TMPRSS6: variants seen among roughly 807,000 people sequenced by gnomAD.
The protein encoded by TMPRSS6 is transmembrane serine protease 6, also known as transmembrane protease serine 6.
In TMPRSS6, 67 loss-of-function variants were observed where a neutral mutation model predicts 101.5. That is an observed-to-expected ratio of 0.66 (90% CI 0.54 to 0.81). The LOEUF is 0.81. TMPRSS6 is among the 30% of genes least tolerant of loss of function. The pLI is 0.00. For missense variants in TMPRSS6, 1,034 were observed against 1,088.7 expected (o/e 0.95, Z 0.71); for synonymous variants, 453 against 464.9 (o/e 0.97, Z 0.33).
At chr22:37,106,143 G>A (rs1271746433) in intron 1 of TMPRSS6, among the ~76,000 whole-genome samples, 2 of 143,732 alleles carry the variant, frequency 1.4e-5, no homozygotes. Flanking sequence ...CTACTTTACA[G>A]ATGGGAGAGT....
At chr22:37,070,699 G>A (rs1000850339) in intron 14 of TMPRSS6, 47 bp from the exon 15 acceptor site, 1 of 1,584,208 alleles carries the variant, frequency 6.3e-7, no homozygotes, top group African/African-American at 1.3e-5. Flanking sequence ...GGAGGGGAAG[G>A]GGAGAAGCAG....
intron 1 of TMPRSS6, among the ~76,000 whole-genome samples, chr22:37,107,083 G>A (rs2146199358): frequency 6.6e-6 from 1 of 152,386 alleles, no homozygotes; most frequent in South Asian, 2.1e-4. Flanking sequence ...GAAAGAATGA[G>A]TGAATGAAAC....
chr22:37,075,009 ACACACACTCTCTCTCTCCTTTTGTT>A, intron 11 of TMPRSS6, 101 bp downstream of exon 11: 1 of 1,511,812 alleles, frequency 6.6e-7, no homozygotes, highest in Non-Finnish European at 9.2e-7. Context: ...ATACACACAC[ACACACACTCTCTCTCTCCTTTTGTT>A]CAGCCTCATA....
chr22:37,069,211 C>G lies in TMPRSS6; in HGVS notation c.1975G>C (p.Asp659His). ...PYHEEDSHDY[D>H]VALLQLDHPV... Reference sequence around the variant, plus strand: ...TGGTCGAGCTGCAGCAGCGCCACGTCGTAGTCATGGCTGTCCTCTTCGTGG... The same window carrying G: ...TGGTCGAGCTGCAGCAGCGCCACGTGGTAGTCATGGCTGTCCTCTTCGTGG... Residue 659 changes from aspartate to histidine, a missense_variant, in exon 16 of 18, where the codon GAC becomes CAC. By Grantham distance (81) the Asp-to-His change is moderately conservative. Coordinates refer to ENST00000676104, the MANE Select transcript of TMPRSS6 (RefSeq NM_001374504.1). This position sits in a 1 kb window ranked among gnomAD's most constrained non-coding sequence, Gnocchi z 4.8. 6.2e-7 allele frequency: 1 copy of G among 1,607,330 alleles called. No individual in the cohort carries two copies. Among genetic ancestry groups the G allele is most frequent in the Non-Finnish European group, 8.5e-7 (1 of 1,177,740 alleles).
At chr22:37,096,201 G>A (rs1030195416) in intron 4 of TMPRSS6, 111 bp from the exon 5 acceptor site, 46 of 1,251,246 alleles carry the variant, frequency 3.7e-5, no homozygotes, top group African/African-American at 1.3e-4. Context: ...ATTGCTGTCC[G>A]TCTTCACGCA....
chr22:37,079,786 T>A (rs751927007), intron 10 of TMPRSS6, among the ~76,000 whole-genome samples: 4 of 152,252 alleles, frequency 2.6e-5, no homozygotes, highest in Non-Finnish European at 5.9e-5. Flanking sequence ...CTTGCTGACG[T>A]CAGGCTGTGA....
intron 11 of TMPRSS6, 101 bp from the exon 12 acceptor site, chr22:37,074,809 G>A (rs13056055): frequency 0.01 from 12,775 of 1,259,830 alleles, 100 homozygotes; most frequent in Non-Finnish European, 0.012. Flanking sequence ...TCACTCACAC[G>A]CGCATGGACA....
In TMPRSS6 at chr22:37,065,729, C is replaced by CT. The variant is rs1568991731; in HGVS notation, c.*350_*351insA. The stretch of plus-strand genomic sequence containing the variant: ...CAAACAGCCTCTGTACAGAGTGGGG[C>CT]GCACCTCAGACACTCCTCGGGATGT... On this transcript the variant is annotated 3_prime_UTR_variant, in exon 18 of 18. Transcript: ENST00000676104. 5.6e-6 allele frequency: 2 copies of CT among 355,074 alleles called. No individual in the cohort carries two copies. Among genetic ancestry groups the CT allele is most frequent in the African/African-American group, 4.2e-5 (2 of 47,888 alleles). The allele number at this position is 355,074 out of a possible 1,614,324, so 22.0% of individuals were successfully genotyped here. A position where few individuals can be genotyped will look rare whatever the true frequency, so the allele number is the denominator to read the frequency against.
In TMPRSS6 at chr22:37,104,332, C is replaced by T. The variant is rs190372370; in HGVS notation, c.-1-914G>A. On this transcript the variant is annotated intron_variant, in intron 1 of 17. Coordinates refer to ENST00000676104, the MANE Select transcript of TMPRSS6 (RefSeq NM_001374504.1). ...ACCCTGAAGCCCAGAGAGGCTAAGC[C>T]GCTTGCCCAAGATCACACAGCAGGG... Among the ~76,000 whole-genome samples, 831 of 152,230 alleles carry T rather than the reference C, an allele frequency of 5.5e-3. 8 individuals are homozygous for T. The highest frequency in any genetic ancestry group is 0.019 in the African/African-American group (791 of 41,510).
upstream of TMPRSS6, among the ~76,000 whole-genome samples, chr22:37,110,011 C>T (rs1427997344): frequency 6.6e-6 from 1 of 151,836 alleles, no homozygotes; most frequent in Non-Finnish European, 1.5e-5. Flanking sequence ...GAGCTGCTGG[C>T]CTGAGAGAGA....
In TMPRSS6 at chr22:37,103,347, G is replaced by A. The variant is rs767105409; in HGVS notation, c.71C>T (p.Pro24Leu). 4.8e-5 allele frequency: 78 copies of A among 1,614,012 alleles called. No individual in the cohort carries two copies. The highest frequency in any genetic ancestry group is 1.6e-4 in the Middle Eastern group (1 of 6,084). ...CTCACAGGCCTTGAACATCCCCTCC[G>A]GCTCCGCTTCCTCGCCATCACCTCC... Reference protein sequence around the residue: ...GDGGDGEEAEPEGMFKACEDS... With the variant: ...GDGGDGEEAELEGMFKACEDS... Residue 24 changes from proline (P) to leucine (L), a missense_variant, in exon 2 of 18, where the codon CCG becomes CTG. Pro to Leu is a moderately conservative substitution (Grantham distance 98). Coordinates refer to ENST00000676104, the MANE Select transcript of TMPRSS6 (RefSeq NM_001374504.1). This position sits in a 1 kb window ranked among gnomAD's most constrained non-coding sequence, Gnocchi z 4.4.
At position 37,069,054 on chromosome 22, in the gene TMPRSS6, G is replaced by T. The variant is rs73415539; in HGVS notation, c.2113+19C>A. 5.0e-5 allele frequency: 77 copies of T among 1,536,300 alleles called. No homozygotes were observed. The highest frequency in any genetic ancestry group is 4.6e-4 in the East Asian group (19 of 40,934). ...GCACGGTCTCCCTCCGCCTCCCGCC[G>T]CAAGTCCCCGCTGCTCACCGCCCTC... is the stretch of plus-strand genomic sequence containing the variant. On this transcript the variant is annotated intron_variant, in intron 16 of 17. Transcript: ENST00000676104. This position sits in a 1 kb window ranked among gnomAD's most constrained non-coding sequence, Gnocchi z 4.8.
chr22:37,104,455 T>C (rs1306469911), intron 1 of TMPRSS6, among the ~76,000 whole-genome samples: 1 of 152,146 alleles, frequency 6.6e-6, no homozygotes, highest in African/African-American at 2.4e-5. Context: ...CATGATTAAA[T>C]AGCAACTGAA....
At chr22:37,077,041 C>A (rs1432956928) in intron 10 of TMPRSS6, among the ~76,000 whole-genome samples, 1 of 152,228 alleles carries the variant, frequency 6.6e-6, no homozygotes, top group African/African-American at 2.4e-5. Flanking sequence ...TCCTTAGCCA[C>A]CGAACAGCTG....
chr22:37,071,939 G>T (rs1926955589), intron 13 of TMPRSS6, among the ~76,000 whole-genome samples: 1 of 151,854 alleles, frequency 6.6e-6, no homozygotes, highest in Admixed American at 6.6e-5. Context: ...GATGATGGAT[G>T]GGTGGATGAT....
At chr22:37,096,622 G>C in intron 4 of TMPRSS6, 26 bp downstream of exon 4, 1 of 1,554,466 alleles carries the variant, frequency 6.4e-7, no homozygotes, top group Non-Finnish European at 8.7e-7. Flanking sequence ...TCTTGCAGGA[G>C]CTGGTCAGGG....
At chr22:37,102,577 T>G (rs1274501963) in intron 2 of TMPRSS6, among the ~76,000 whole-genome samples, 4 of 152,166 alleles carry the variant, frequency 2.6e-5, no homozygotes, top group African/African-American at 9.7e-5. Context: ...ACAGGCCAAT[T>G]GCTCCCCGGG....
chr22:37,075,994 A>C (rs1295145147), intron 10 of TMPRSS6, among the ~76,000 whole-genome samples: 1 of 149,466 alleles, frequency 6.7e-6, no homozygotes, highest in Non-Finnish European at 1.5e-5. Flanking sequence ...AGAAAGAGAA[A>C]GAAAGGAAGA....
chr22:37,072,379 G>A (rs537092118), intron 13 of TMPRSS6, among the ~76,000 whole-genome samples: 9 of 143,978 alleles, frequency 6.3e-5, no homozygotes, highest in East Asian at 2.3e-4. Context: ...TGCATGGATG[G>A]ATGGATGATG....
Sources: allele counts gnomAD v4.1 joint callset (sites outside exome capture counted in the v4.1 genomes callset), GRCh38; gene constraint gnomAD v4.1.1; non-coding constraint Gnocchi (gnomAD v3.1); transcripts MANE v1.5; gene names NCBI Gene and HGNC (gene_info 2026-07-23, HGNC 2026-07-21).